Variants in NADK2 observed in about 807,000 individuals in gnomAD.
The protein encoded by NADK2 is NAD kinase domain-containing protein 1, mitochondrial.
Under a neutral mutation model 62.1 loss-of-function variants are expected in NADK2, and 35 were observed. The ratio of observed to expected loss-of-function variants is 0.56; its 90% CI spans 0.43 to 0.75. The LOEUF (loss-of-function observed/expected upper bound fraction) is 0.75, where lower values mean the gene tolerates loss of function less well. Among genes scored for constraint, NADK2 ranks in the 30% least tolerant of loss-of-function variants. The probability of loss-of-function intolerance (pLI) is 0.00; values close to 1 mark genes in which losing one functional copy is unlikely to be tolerated. For synonymous variants in NADK2, 205 were observed against 207.9 expected (o/e 0.99, Z 0.12); for missense variants, 439 against 561.3 (o/e 0.78, Z 2.20).
intron 8 of NADK2, among the ~76,000 whole-genome samples, chr5:36,206,795 T>C (rs951859903): frequency 6.6e-6 from 1 of 152,130 alleles, no homozygotes; most frequent in African/African-American, 2.4e-5. Flanking sequence ...GACATAGGGA[T>C]GCACCAGGTT....
At chr5:36,228,680 G>A (rs1261477608) in intron 1 of NADK2, among the ~76,000 whole-genome samples, 1 of 151,042 alleles carries the variant, frequency 6.6e-6, no homozygotes, top group Non-Finnish European at 1.5e-5. Context: ...GTGTGGTAGT[G>A]TGATCTCAGC....
chr5:36,206,842 C>T (rs376034699), intron 8 of NADK2, among the ~76,000 whole-genome samples: 3 of 151,758 alleles, frequency 2.0e-5, no homozygotes, highest in African/African-American at 7.2e-5. Flanking sequence ...AACCTCCAGC[C>T]TACTTTTTTT....
At chr5:36,240,827 A>T (rs909870165) in intron 1 of NADK2, among the ~76,000 whole-genome samples, 2 of 152,198 alleles carry the variant, frequency 1.3e-5, no homozygotes, top group African/African-American at 4.8e-5. Flanking sequence ...TTTCTCCTTA[A>T]TAACGTACAT....
At chr5:36,209,579 A>G (rs1379035248) in intron 7 of NADK2, among the ~76,000 whole-genome samples, 2 of 152,262 alleles carry the variant, frequency 1.3e-5, no homozygotes, top group East Asian at 3.9e-4. Flanking sequence ...TTAGAATAAT[A>G]ACTAGATTGT....
intron 11 of NADK2, 25 bp from the exon 12 acceptor site, chr5:36,195,307 A>C (rs1372354811): frequency 6.3e-7 from 1 of 1,583,542 alleles, no homozygotes; most frequent in South Asian, 1.2e-5. Context: ...ATATCTCATT[A>C]AATAGTAATA....
intron 4 of NADK2, among the ~76,000 whole-genome samples, chr5:36,224,263 G>C (rs1270320700): frequency 6.6e-6 from 1 of 152,178 alleles, no homozygotes; most frequent in Non-Finnish European, 1.5e-5. Context: ...ATGATGGTCA[G>C]ATTGATCTAG....
At chr5:36,240,606 T>C (rs978074392) in intron 1 of NADK2, among the ~76,000 whole-genome samples, 1 of 152,158 alleles carries the variant, frequency 6.6e-6, no homozygotes, top group Non-Finnish European at 1.5e-5. Flanking sequence ...AGTTGGTGGA[T>C]GGTGGTATGG....
intron 11 of NADK2, among the ~76,000 whole-genome samples, chr5:36,195,856 T>C (rs1361286549): frequency 1.3e-5 from 2 of 152,326 alleles, no homozygotes; most frequent in Non-Finnish European, 2.9e-5. Context: ...GCAGTAGTAA[T>C]AGCTTTGTCT....
At position 36,241,488 on chromosome 5, in the gene NADK2, C is replaced by T; in HGVS notation, c.300+11G>A. The T allele has an allele frequency of 6.5e-7, 1 of 1,537,182 alleles. No homozygotes were observed. The highest frequency in any genetic ancestry group is 8.7e-7 in the Non-Finnish European group (1 of 1,150,152). On this transcript the variant is annotated intron_variant, in intron 1 of 11. Coordinates refer to ENST00000381937, the MANE Select transcript of NADK2 (RefSeq NM_001085411.3). This position sits in a 1 kb window ranked among gnomAD's most constrained non-coding sequence, Gnocchi z 4.9. Reference sequence around the variant, plus strand: ...AGCCCGGGAGCGAAGCGGGGCCGAGCCAGGACCCACCAGCTGCTTCAGGTC... The same window carrying T: ...AGCCCGGGAGCGAAGCGGGGCCGAGTCAGGACCCACCAGCTGCTTCAGGTC...
chr5:36,216,307 T>G (rs1023586297), intron 6 of NADK2, among the ~76,000 whole-genome samples: 2 of 152,164 alleles, frequency 1.3e-5, no homozygotes, highest in African/African-American at 4.8e-5. Flanking sequence ...TCTGAATTTC[T>G]TGTATATTGT....
chr5:36,225,281 C>T (rs572460093), intron 4 of NADK2, among the ~76,000 whole-genome samples: 1 of 152,306 alleles, frequency 6.6e-6, no homozygotes, highest in East Asian at 1.9e-4. Flanking sequence ...TAGAATGCTT[C>T]TGGAACATGG....
chr5:36,231,074 G>GA (rs1200764105), intron 1 of NADK2, among the ~76,000 whole-genome samples: 1 of 152,042 alleles, frequency 6.6e-6, no homozygotes, highest in Non-Finnish European at 1.5e-5. Context: ...ATGTACCCAG[G>GA]AAAAAAGCAC....
rs756640202 is a variant in NADK2 at position 36,212,450 on chromosome 5, AT to A, written c.782-529del. On this transcript the variant is annotated intron_variant, in intron 6 of 11. Coordinates refer to ENST00000381937, the MANE Select transcript of NADK2 (RefSeq NM_001085411.3). ...ATCCCCCTTCATAACTCCTAAAAAA[AT>A]GTTTTCTTTTTTTGAATCTATAGGG... is the stretch of plus-strand genomic sequence containing the variant. 1.1e-3 allele frequency: 174 copies of A among 152,472 alleles called. 2 individuals carry two copies. The highest frequency in any genetic ancestry group is 1.8e-3 in the Non-Finnish European group (121 of 68,170). 9.4% of individuals were successfully genotyped at this position (152,472 alleles called of 1,614,324 possible).
chr5:36,208,609 C>T, intron 7 of NADK2: 1 of 1,498,910 alleles, frequency 6.7e-7, no homozygotes, highest in Non-Finnish European at 8.9e-7. Context: ...TTTTTTAAGG[C>T]AGCAATAAAA....
chr5:36,238,729 A>G (rs1264203935), intron 1 of NADK2, among the ~76,000 whole-genome samples: 1 of 152,216 alleles, frequency 6.6e-6, no homozygotes, highest in Non-Finnish European at 1.5e-5. Flanking sequence ...ATGAGACAGT[A>G]GAGGTAAAAT....
chr5:36,208,805 A>G (rs1401013067), intron 7 of NADK2: 1 of 701,000 alleles, frequency 1.4e-6, no homozygotes. Flanking sequence ...ATATTTTCCA[A>G]GCAAGGCACT....
At chr5:36,233,625 T>C (rs1470688527) in intron 1 of NADK2, among the ~76,000 whole-genome samples, 1 of 152,216 alleles carries the variant, frequency 6.6e-6, no homozygotes, top group Non-Finnish European at 1.5e-5. Context: ...TTCCCTGTTA[T>C]CTTTTATTTA....
chr5:36,229,061 C>A (rs1747606901), intron 1 of NADK2, among the ~76,000 whole-genome samples: 1 of 152,124 alleles, frequency 6.6e-6, no homozygotes. Context: ...ATGGAAAATG[C>A]ATATTTAAAG....
At chr5:36,216,891 T>C (rs1224800495) in intron 6 of NADK2, among the ~76,000 whole-genome samples, 1 of 152,180 alleles carries the variant, frequency 6.6e-6, no homozygotes, top group Non-Finnish European at 1.5e-5. Flanking sequence ...TAGAAGTTCA[T>C]GTGCATATAA....
Sources: gnomAD v4.1 joint callset for allele counts (sites outside exome capture counted in the v4.1 genomes callset) on GRCh38, gnomAD v4.1.1 for gene constraint, Gnocchi (gnomAD v3.1) non-coding constraint, MANE v1.5 for transcripts, NCBI Gene and HGNC (gene_info 2026-07-23, HGNC 2026-07-21) for gene names.